XKR4: variants seen among roughly 807,000 people sequenced by gnomAD.
XKR4 encodes the protein XK related 4.
XKR4 carries 12 observed loss-of-function variants against 53.9 expected under a neutral mutation model. The observed-to-expected ratio is 0.22, with a 90% CI of 0.14 to 0.36. The LOEUF is 0.36. Ranked by LOEUF, XKR4 falls within the 10% of genes least tolerant of loss-of-function variation. The probability of loss-of-function intolerance (pLI) is 1.00; values close to 1 mark genes in which losing one functional copy is unlikely to be tolerated. For missense variants in XKR4, 799 were observed against 859.5 expected (o/e 0.93, Z 0.88); for synonymous variants, 354 against 362.4 (o/e 0.98, Z 0.26).
intron 1 of XKR4, among the ~76,000 whole-genome samples, chr8:55,265,859 C>A (rs1818592768): frequency 6.6e-6 from 1 of 151,672 alleles, no homozygotes; most frequent in Non-Finnish European, 1.5e-5. Context: ...GTGGCATGCA[C>A]CTGTAGTCCC....
intron 1 of XKR4, among the ~76,000 whole-genome samples, chr8:55,298,554 C>T (rs141096499): frequency 3.0e-4 from 46 of 152,210 alleles, no homozygotes; most frequent in African/African-American, 9.9e-4. Flanking sequence ...CCTAGATCTC[C>T]TGTGAACTCA....
At chr8:55,205,297 T>G (rs753395801) in intron 1 of XKR4, among the ~76,000 whole-genome samples, 2 of 152,250 alleles carry the variant, frequency 1.3e-5, no homozygotes, top group African/African-American at 4.8e-5. Flanking sequence ...TGACATTTTA[T>G]TTTGTTTTGT....
chr8:55,109,954 A>T (rs1193686394), intron 1 of XKR4, among the ~76,000 whole-genome samples: 1 of 152,202 alleles, frequency 6.6e-6, no homozygotes, highest in Non-Finnish European at 1.5e-5. Flanking sequence ...AATTTAAGTA[A>T]CACAATCACT....
chr8:55,403,940 C>T (rs1331934837), intron 2 of XKR4, among the ~76,000 whole-genome samples: 1 of 152,212 alleles, frequency 6.6e-6, no homozygotes, highest in African/African-American at 2.4e-5. Context: ...GGCTGCACCC[C>T]TTCCAACCTG....
intron 2 of XKR4, among the ~76,000 whole-genome samples, chr8:55,403,058 C>T (rs1032906454): frequency 1.3e-5 from 2 of 152,186 alleles, no homozygotes; most frequent in African/African-American, 4.8e-5. Context: ...GATATCATCG[C>T]GGACCTGGTT....
At chr8:55,348,791 GAGAC>G (rs964170980) in intron 1 of XKR4, among the ~76,000 whole-genome samples, 21 of 151,992 alleles carry the variant, frequency 1.4e-4, no homozygotes, top group Non-Finnish European at 2.1e-4. Flanking sequence ...TAGAGTAACA[GAGAC>G]AGACAGACAA....
intron 1 of XKR4, among the ~76,000 whole-genome samples, chr8:55,242,181 C>A (rs894496163): frequency 1.3e-5 from 2 of 152,120 alleles, no homozygotes; most frequent in African/African-American, 4.8e-5. Context: ...CTTTTTTAGT[C>A]CCCCATAAGG....
chr8:55,457,146 C>CTTTTCTTTTTTTTT (rs533607534), intron 2 of XKR4, among the ~76,000 whole-genome samples: 5 of 137,260 alleles, frequency 3.6e-5, no homozygotes, highest in Non-Finnish European at 4.7e-5. Context: ...TTTTCCTTTT[C>CTTTTCTTTTTTTTT]TTTTTTTTTT....
At position 55,538,841 on chromosome 8, in the gene XKR4, C is replaced by T. The variant is rs962379529; in HGVS notation, c.*14614C>T. 1 of 152,186 alleles carries T rather than the reference C, an allele frequency of 6.6e-6. No homozygotes were observed. The highest frequency in any genetic ancestry group is 6.5e-5 in the Admixed American group (1 of 15,272). 9.4% of individuals were successfully genotyped at this position (152,186 alleles called of 1,614,324 possible). ...TCATTTCCATTGAGTATCCTCTTCA[C>T]CCCTAAGATGACACATCTTTACAAC... On this transcript the variant is annotated 3_prime_UTR_variant, in exon 3 of 3. Coordinates refer to ENST00000327381, the MANE Select transcript of XKR4 (RefSeq NM_052898.2).
chr8:55,328,283 A>G (rs538584402), intron 1 of XKR4, among the ~76,000 whole-genome samples: 2 of 152,224 alleles, frequency 1.3e-5, no homozygotes, highest in African/African-American at 4.8e-5. Context: ...TTAAAGGCCC[A>G]TACATAATAT....
chr8:55,348,197 A>G (rs1158526464), intron 1 of XKR4, among the ~76,000 whole-genome samples: 3 of 152,168 alleles, frequency 2.0e-5, no homozygotes, highest in African/African-American at 7.2e-5. Flanking sequence ...AGAAAATGAC[A>G]AGGACCGAAG....
intron 2 of XKR4, among the ~76,000 whole-genome samples, chr8:55,414,714 T>C (rs1304728330): frequency 6.6e-6 from 1 of 152,056 alleles, no homozygotes; most frequent in Non-Finnish European, 1.5e-5. Flanking sequence ...ATACGTTATT[T>C]TTCCTGTTTA....
intron 1 of XKR4, among the ~76,000 whole-genome samples, chr8:55,212,203 A>C (rs1817740944): frequency 6.6e-6 from 1 of 152,020 alleles, no homozygotes; most frequent in African/African-American, 2.4e-5. Flanking sequence ...CTTCAGAGGC[A>C]ATAGATTGTA....
At chr8:55,378,533 T>C (rs1203958411) in intron 2 of XKR4, among the ~76,000 whole-genome samples, 1 of 152,152 alleles carries the variant, frequency 6.6e-6, no homozygotes, top group Non-Finnish European at 1.5e-5. Flanking sequence ...AACATGAAAT[T>C]CAGGAAAGTG....
chr8:55,268,638 C>T (rs1011609294), intron 1 of XKR4, among the ~76,000 whole-genome samples: 2 of 152,036 alleles, frequency 1.3e-5, no homozygotes, highest in African/African-American at 2.4e-5. Flanking sequence ...GTTAGGAAGA[C>T]AATTAATAAT....
At chr8:55,244,964 C>T (rs1042518800) in intron 1 of XKR4, among the ~76,000 whole-genome samples, 13 of 147,698 alleles carry the variant, frequency 8.8e-5, no homozygotes, top group Non-Finnish European at 1.3e-4. Flanking sequence ...TGTAATAGCG[C>T]GATCTTGGCT....
chr8:55,326,723 G>A (rs964902565), intron 1 of XKR4, among the ~76,000 whole-genome samples: 6 of 151,602 alleles, frequency 4.0e-5, no homozygotes, highest in African/African-American at 7.3e-5. Context: ...TGCTCACCTC[G>A]GCCTCCCAAA....
intron 1 of XKR4, among the ~76,000 whole-genome samples, chr8:55,188,991 C>T (rs1817411773): frequency 6.6e-6 from 1 of 152,096 alleles, no homozygotes; most frequent in South Asian, 2.1e-4. Context: ...ATTCACAAAT[C>T]TCTTCTGTCA....
chr8:55,321,733 G>T (rs1044593034), intron 1 of XKR4, among the ~76,000 whole-genome samples: 4 of 152,228 alleles, frequency 2.6e-5, no homozygotes, highest in Admixed American at 2.0e-4. Flanking sequence ...GCTCATGCCT[G>T]TAATCCCAGC....
Sources: gnomAD v4.1 joint callset for allele counts (sites outside exome capture counted in the v4.1 genomes callset) on GRCh38, gnomAD v4.1.1 for gene constraint, MANE v1.5 for transcripts, NCBI Gene and HGNC (gene_info 2026-07-23, HGNC 2026-07-21) for gene names.